The following ADGRL3 variants were observed in gnomAD, a reference collection of about 807,000 sequenced individuals.
ADGRL3 encodes the protein adhesion G protein-coupled receptor L3.
Under a neutral mutation model 153.5 loss-of-function variants are expected in ADGRL3, and 62 were observed. The ratio of observed to expected loss-of-function variants is 0.40; its 90% CI spans 0.33 to 0.50. ADGRL3 has a LOEUF of 0.50. ADGRL3 is among the 20% of genes least tolerant of loss of function. ADGRL3 has a pLI of 0.47. For missense variants in ADGRL3, 1,641 were observed against 1,859.4 expected (o/e 0.88, Z 2.16); for synonymous variants, 710 against 672.5 (o/e 1.06, Z -0.86).
chr4:61,348,873 G>A (rs1410317876), intron 1 of ADGRL3, among the ~76,000 whole-genome samples: 1 of 151,932 alleles, frequency 6.6e-6, no homozygotes, highest in African/African-American at 2.4e-5. Context: ...CTGTCTTGAG[G>A]AATGTGGAAA....
At chr4:61,638,229 G>C (rs2093513495) in intron 5 of ADGRL3, among the ~76,000 whole-genome samples, 1 of 152,166 alleles carries the variant, frequency 6.6e-6, no homozygotes, top group East Asian at 1.9e-4. Context: ...AACTAGTGAT[G>C]CATGCAACAA....
chr4:61,745,543 G>T (rs1368311901), intron 8 of ADGRL3, among the ~76,000 whole-genome samples: 3 of 152,140 alleles, frequency 2.0e-5, no homozygotes, highest in Non-Finnish European at 4.4e-5. Flanking sequence ...GAAGACAGTG[G>T]GGGCCAATAT....
chr4:61,627,611 A>G (rs1331710464), intron 5 of ADGRL3, among the ~76,000 whole-genome samples: 5 of 152,130 alleles, frequency 3.3e-5, no homozygotes, highest in African/African-American at 1.2e-4. Flanking sequence ...ACAGAGTGAG[A>G]CTCAATCTAA....
intron 21 of ADGRL3, among the ~76,000 whole-genome samples, chr4:62,011,109 G>A (rs1282874938): frequency 2.0e-5 from 3 of 152,034 alleles, no homozygotes; most frequent in African/African-American, 7.2e-5. Flanking sequence ...ATTTGGAACT[G>A]TACATTCAAA....
intron 1 of ADGRL3, among the ~76,000 whole-genome samples, chr4:61,311,015 A>G (rs553497622): frequency 1.8e-4 from 28 of 151,928 alleles, no homozygotes; most frequent in African/African-American, 6.7e-4. Context: ...AGGCAAGGAC[A>G]TATTACTTTG....
At chr4:61,497,453 T>C (rs2098331761) in intron 3 of ADGRL3, 105 bp downstream of exon 3, 2 of 611,518 alleles carry the variant, frequency 3.3e-6, no homozygotes, top group Non-Finnish European at 2.8e-6. Context: ...AGTTTTTCCT[T>C]ATCATATGTT....
chr4:61,755,834 A>G (rs1336871391), intron 8 of ADGRL3, among the ~76,000 whole-genome samples: 1 of 152,208 alleles, frequency 6.6e-6, no homozygotes, highest in Non-Finnish European at 1.5e-5. Flanking sequence ...AGCTTTCTAC[A>G]TATGGCTAGC....
chr4:61,826,794 C>T (rs2097806708), intron 9 of ADGRL3, among the ~76,000 whole-genome samples: 1 of 151,118 alleles, frequency 6.6e-6, no homozygotes, highest in Non-Finnish European at 1.5e-5. Context: ...GGAGGGATAG[C>T]ATTAGGAGAT....
At chr4:61,273,551 T>C (rs956701194) in intron 1 of ADGRL3, among the ~76,000 whole-genome samples, 8 of 152,170 alleles carry the variant, frequency 5.3e-5, no homozygotes, top group African/African-American at 1.9e-4. Context: ...ATCTGTTTCC[T>C]AGCCAACGTT....
At chr4:61,898,650 G>A (rs912438476) in intron 11 of ADGRL3, among the ~76,000 whole-genome samples, 11 of 149,640 alleles carry the variant, frequency 7.4e-5, no homozygotes, top group Admixed American at 2.7e-4. Context: ...ATGAAGTCTC[G>A]CTCTGTCACC....
chr4:61,544,111 G>A (rs2098702813), intron 4 of ADGRL3, among the ~76,000 whole-genome samples: 1 of 152,162 alleles, frequency 6.6e-6, no homozygotes, highest in African/African-American at 2.4e-5. Flanking sequence ...ATATATTTAG[G>A]AGTAGATTAT....
At chr4:61,759,443 C>A (rs930988855) in intron 8 of ADGRL3, among the ~76,000 whole-genome samples, 1 of 152,202 alleles carries the variant, frequency 6.6e-6, no homozygotes, top group African/African-American at 2.4e-5. Context: ...CACTGATACG[C>A]TTTCTTCCAG....
intron 17 of ADGRL3, among the ~76,000 whole-genome samples, 157 bp downstream of exon 17, chr4:61,948,433 G>A (rs2098934252): frequency 2.0e-5 from 3 of 152,084 alleles, no homozygotes; most frequent in African/African-American, 7.2e-5. Flanking sequence ...TATCCTTGTG[G>A]ATGATTCAAA....
chr4:61,963,849 A>G (rs2098996984), intron 17 of ADGRL3, among the ~76,000 whole-genome samples: 1 of 152,180 alleles, frequency 6.6e-6, no homozygotes, highest in African/African-American at 2.4e-5. Flanking sequence ...GTTCATCTGC[A>G]ATTCTAGTGA....
At chr4:61,750,357 A>G (rs924010882) in intron 8 of ADGRL3, among the ~76,000 whole-genome samples, 1 of 152,172 alleles carries the variant, frequency 6.6e-6, no homozygotes. Flanking sequence ...TTAAAATGTC[A>G]CATACGTAGT....
At chr4:61,801,402 A>C (rs1334616011) in intron 8 of ADGRL3, among the ~76,000 whole-genome samples, 1 of 152,132 alleles carries the variant, frequency 6.6e-6, no homozygotes, top group African/African-American at 2.4e-5. Flanking sequence ...CATGATGTGA[A>C]ACAGGTTTTT....
intron 1 of ADGRL3, among the ~76,000 whole-genome samples, chr4:61,376,754 A>G (rs1371978465): frequency 6.6e-6 from 1 of 152,160 alleles, no homozygotes; most frequent in Non-Finnish European, 1.5e-5. Flanking sequence ...AGGGTGGGTT[A>G]TTCACAGCAG....
chr4:62,021,965 AAG>A (rs1262206473), intron 21 of ADGRL3, among the ~76,000 whole-genome samples: 2 of 152,186 alleles, frequency 1.3e-5, no homozygotes, highest in African/African-American at 2.4e-5. Context: ...GTTCAAGTGA[AAG>A]AAAGTGTCTC....
At chr4:61,890,500 G>C (rs2149578891) in intron 9 of ADGRL3, among the ~76,000 whole-genome samples, 1 of 148,802 alleles carries the variant, frequency 6.7e-6, no homozygotes, top group Admixed American at 6.7e-5. Flanking sequence ...GCAGAAGGCA[G>C]AAGGGCAAGA....
Sources: allele counts gnomAD v4.1 joint callset (sites outside exome capture counted in the v4.1 genomes callset), GRCh38; gene constraint gnomAD v4.1.1; transcripts MANE v1.5; gene names NCBI Gene and HGNC (gene_info 2026-07-23, HGNC 2026-07-21).